Variants in CHCHD6 observed in about 807,000 individuals in gnomAD.
CHCHD6 encodes the protein coiled-coil-helix-coiled-coil-helix domain containing 6.
Under a neutral mutation model 32.3 loss-of-function variants are expected in CHCHD6, and 28 were observed. The observed-to-expected ratio is 0.87, with a 90% CI of 0.64 to 1.19. CHCHD6 has a LOEUF of 1.19. Among genes scored for constraint, CHCHD6 ranks in the 50% most tolerant of loss-of-function variants. The probability of loss-of-function intolerance (pLI) is 0.00; values close to 1 mark genes in which losing one functional copy is unlikely to be tolerated. For synonymous variants in CHCHD6, 122 were observed against 117.5 expected, an observed-to-expected ratio of 1.04 and a Z score of -0.25; for missense variants, 333 against 307.0, an observed-to-expected ratio of 1.08 and a Z score of -0.63.
chr3:126,802,671 C>G (rs1939142406), intron 4 of CHCHD6, among the ~76,000 whole-genome samples: 1 of 152,212 alleles, frequency 6.6e-6, no homozygotes, highest in South Asian at 2.1e-4. Flanking sequence ...CTTCCCCAAT[C>G]TAGCCATGCA....
chr3:126,804,412 C>A (rs890953163), intron 4 of CHCHD6, among the ~76,000 whole-genome samples: 18 of 152,070 alleles, frequency 1.2e-4, no homozygotes, highest in African/African-American at 3.9e-4. Context: ...ATACAAACTA[C>A]CATCAGAGAA....
At chr3:126,755,692 C>T (rs1033158580) in intron 4 of CHCHD6, among the ~76,000 whole-genome samples, 1 of 152,156 alleles carries the variant, frequency 6.6e-6, no homozygotes, top group Admixed American at 6.5e-5. Flanking sequence ...AGTAGCTCCC[C>T]TTTTATTCAT....
chr3:126,960,112 T>G (rs900988188), intron 7 of CHCHD6, 84 bp from the exon 8 acceptor site: 6 of 1,507,462 alleles, frequency 4.0e-6, no homozygotes, highest in Non-Finnish European at 5.4e-6. Flanking sequence ...TGGGAAGCGG[T>G]TGCTGTCACA....
chr3:126,864,855 TTCCTCCTCCACCATCATCTCCTCC>T (rs1942197966), intron 5 of CHCHD6, among the ~76,000 whole-genome samples: 2 of 20,386 alleles, frequency 9.8e-5, no homozygotes, highest in Non-Finnish European at 1.7e-4. Context: ...TCATCTCCTC[TTCCTCCTCCACCATCATCTCCTCC>T]TCCTCCTCCA....
chr3:126,884,255 C>T (rs1476562074), intron 5 of CHCHD6, among the ~76,000 whole-genome samples: 1 of 152,162 alleles, frequency 6.6e-6, no homozygotes, highest in Non-Finnish European at 1.5e-5. Flanking sequence ...CAGGCGAATT[C>T]TCTTTCCTAT....
At chr3:126,852,533 A>G in intron 4 of CHCHD6, 114 bp from the exon 5 acceptor site, 2 of 712,654 alleles carry the variant, frequency 2.8e-6, no homozygotes, top group South Asian at 3.1e-5. Context: ...TCAACTCATT[A>G]TTGCTACTGT....
At chr3:126,814,883 G>A (rs568481697) in intron 4 of CHCHD6, among the ~76,000 whole-genome samples, 2 of 152,304 alleles carry the variant, frequency 1.3e-5, no homozygotes, top group Admixed American at 1.3e-4. Flanking sequence ...AGGGGGATGG[G>A]GAAGGCAGTT....
chr3:126,777,770 T>G (rs185963381), intron 4 of CHCHD6, among the ~76,000 whole-genome samples: 1 of 152,374 alleles, frequency 6.6e-6, no homozygotes, highest in African/African-American at 2.4e-5. Flanking sequence ...TTAACAGCTT[T>G]ATTAAGATAT....
intron 4 of CHCHD6, among the ~76,000 whole-genome samples, chr3:126,796,308 C>G (rs1576426390): frequency 6.6e-6 from 1 of 152,146 alleles, no homozygotes; most frequent in Non-Finnish European, 1.5e-5. Flanking sequence ...TGAGATCATG[C>G]CACTGCACTC....
At chr3:126,730,187 A>T (rs896618914) in intron 2 of CHCHD6, among the ~76,000 whole-genome samples, 1 of 151,988 alleles carries the variant, frequency 6.6e-6, no homozygotes, top group Non-Finnish European at 1.5e-5. Context: ...TCTACCCGGG[A>T]GGTTGTCCTC....
intron 5 of CHCHD6, among the ~76,000 whole-genome samples, chr3:126,881,128 C>A (rs2077603408): frequency 6.6e-6 from 1 of 152,252 alleles, no homozygotes; most frequent in African/African-American, 2.4e-5. Context: ...TTAATGGCTG[C>A]CAAGCCCGCA....
chr3:126,797,700 C>T (rs555947786), intron 4 of CHCHD6, among the ~76,000 whole-genome samples: 41 of 152,246 alleles, frequency 2.7e-4, no homozygotes, highest in African/African-American at 9.9e-4. Flanking sequence ...AGTCAGCCTC[C>T]CTCTCCTTGC....
chr3:126,939,693 G>A (rs952743829), intron 6 of CHCHD6, among the ~76,000 whole-genome samples: 5 of 152,224 alleles, frequency 3.3e-5, no homozygotes, highest in African/African-American at 9.7e-5. Context: ...AAAATAAAAT[G>A]ACTGATTCTT....
intron 5 of CHCHD6, among the ~76,000 whole-genome samples, chr3:126,884,648 C>G (rs190544445): frequency 1.8e-4 from 27 of 152,160 alleles, no homozygotes; most frequent in African/African-American, 6.0e-4. Context: ...ATGAAAGAGG[C>G]GGGTGTGGAA....
chr3:126,941,559 T>C (rs1332797310), intron 6 of CHCHD6, among the ~76,000 whole-genome samples: 1 of 152,220 alleles, frequency 6.6e-6, no homozygotes, highest in African/African-American at 2.4e-5. Context: ...TAGACTCTTT[T>C]TTTGGGGGAT....
intron 5 of CHCHD6, among the ~76,000 whole-genome samples, chr3:126,911,654 G>A (rs779871163): frequency 4.1e-4 from 63 of 152,352 alleles, no homozygotes; most frequent in Non-Finnish European, 6.8e-4. Flanking sequence ...TTGGCCTGTG[G>A]GTACTTCCTG....
At chr3:126,869,241 C>T (rs2077431633) in intron 5 of CHCHD6, among the ~76,000 whole-genome samples, 1 of 148,126 alleles carries the variant, frequency 6.8e-6, no homozygotes, top group Non-Finnish European at 1.5e-5. Flanking sequence ...CAGAACAGTA[C>T]ATCTGGGACG....
At chr3:126,753,385 GA>G (rs1936812268) in intron 4 of CHCHD6, among the ~76,000 whole-genome samples, 1 of 152,182 alleles carries the variant, frequency 6.6e-6, no homozygotes, top group Non-Finnish European at 1.5e-5. Flanking sequence ...GGCTGAGGAG[GA>G]GGGGCACTGA....
chr3:126,737,873 C>T lies in CHCHD6; in HGVS notation c.411+4651C>T, dbSNP rs181423759. Reference sequence around the variant, plus strand: ...CCACAGTGTAGGTGCGGTTGTGGAACGACATCCTGAAAGTCTGATGGGGAG... The same window carrying T: ...CCACAGTGTAGGTGCGGTTGTGGAATGACATCCTGAAAGTCTGATGGGGAG... On this transcript the variant is annotated intron_variant, in intron 4 of 7. Coordinates refer to ENST00000290913, the MANE Select transcript of CHCHD6 (RefSeq NM_032343.3). Among the ~76,000 whole-genome samples the T allele has an allele frequency of 4.4e-3, 664 of 152,070 alleles. 2 individuals are homozygous for T. The highest frequency in any genetic ancestry group is 0.015 in the African/African-American group (619 of 41,468).
Sources: gnomAD v4.1 joint callset for allele counts (sites outside exome capture counted in the v4.1 genomes callset) on GRCh38, gnomAD v4.1.1 for gene constraint, MANE v1.5 for transcripts, NCBI Gene and HGNC (gene_info 2026-07-23, HGNC 2026-07-21) for gene names.